Variants in ACAA2 observed in about 807,000 individuals in gnomAD.
The protein encoded by ACAA2 is 3-ketoacyl-CoA thiolase, mitochondrial.
ACAA2 carries 35 observed loss-of-function variants against 44.8 expected under a neutral mutation model. The observed-to-expected ratio is 0.78, with a 90% CI of 0.60 to 1.04. ACAA2 has a LOEUF of 1.04. Among genes scored for constraint, ACAA2 ranks in the 50% least tolerant of loss-of-function variants. The pLI is 0.00. For missense variants in ACAA2, 468 were observed against 482.6 expected, an observed-to-expected ratio of 0.97 and a Z score of 0.28; for synonymous variants, 142 against 166.5, an observed-to-expected ratio of 0.85 and a Z score of 1.13.
At chr18:49,794,829 T>TAAAC (rs1484425597) in intron 4 of ACAA2, among the ~76,000 whole-genome samples, 11 of 152,212 alleles carry the variant, frequency 7.2e-5, no homozygotes, top group African/African-American at 2.7e-4. Flanking sequence ...AGCTCTGTAA[T>TAAAC]AAACAGTATT....
intron 5 of ACAA2, among the ~76,000 whole-genome samples, chr18:49,793,522 A>G (rs1398915066): frequency 6.6e-6 from 1 of 152,242 alleles, no homozygotes. Context: ...CTATGAACAT[A>G]TAAGTAAAAA....
At position 49,783,805 on chromosome 18, in the gene ACAA2, C is replaced by T. The variant is rs763577157; in HGVS notation, c.*42G>A. ...GTCACTTGTTTTACTGTGGCCTGGC[C>T]AAGTAGAGTAAGGATGGGTCACAGT... On this transcript the variant is annotated 3_prime_UTR_variant, in exon 10 of 10. Coordinates refer to ENST00000285093, the MANE Select transcript of ACAA2 (RefSeq NM_006111.3). 3.8e-6 allele frequency: 6 copies of T among 1,562,934 alleles called. No homozygotes were observed. In the Admixed American group the frequency reaches 8.4e-5, roughly 22 times the overall value.
At chr18:49,797,265 C>CTTTTTTTTTTTTTTTTTTTT (rs11392686) in intron 3 of ACAA2, among the ~76,000 whole-genome samples, 1 of 143,798 alleles carries the variant, frequency 7.0e-6, no homozygotes. Context: ...TCATTATTAG[C>CTTTTTTTTTTTTTTTTTTTT]TTTTTTTTTT....
chr18:49,790,641 C>T (rs2143952597), intron 7 of ACAA2, among the ~76,000 whole-genome samples: 1 of 152,236 alleles, frequency 6.6e-6, no homozygotes, highest in Admixed American at 6.5e-5. Flanking sequence ...TAATTGGTTC[C>T]CTGTTCCCCC....
intron 2 of ACAA2, among the ~76,000 whole-genome samples, chr18:49,798,334 T>C (rs975326687): frequency 3.9e-5 from 6 of 152,104 alleles, no homozygotes; most frequent in Non-Finnish European, 7.4e-5. Flanking sequence ...TTAAAATGCA[T>C]ATGGGGGCGT....
At chr18:49,811,255 G>A (rs898545969) in intron 1 of ACAA2, 4 of 152,114 alleles carry the variant, frequency 2.6e-5, no homozygotes, top group Admixed American at 6.5e-5. Flanking sequence ...GAAAGAAACA[G>A]GAGCACTACC....
chr18:49,790,420 A>C (rs967030285), intron 7 of ACAA2, among the ~76,000 whole-genome samples: 9 of 152,206 alleles, frequency 5.9e-5, no homozygotes, highest in Admixed American at 4.6e-4. Context: ...CTTACACTGA[A>C]GGATCTCTGA....
At chr18:49,787,084 T>TATAAATAAAGCATGTTAA (rs1176537046) in intron 8 of ACAA2, among the ~76,000 whole-genome samples, 4 of 152,106 alleles carry the variant, frequency 2.6e-5, no homozygotes, top group African/African-American at 9.7e-5. Context: ...AATATTCAAA[T>TATAAATAAAGCATGTTAA]ATAAATAAAG....
rs958860309 is a variant in ACAA2 at position 49,791,497 on chromosome 18, C to T, written c.856G>A (p.Gly286Arg). Residue 286 changes from glycine (G) to arginine (R), a missense_variant, in exon 7 of 10, where the codon GGA (glycine) becomes AGA (arginine). Transcript: ENST00000285093. ...LARIVGYFVS[G>R]CDPSIMGIGP... Reference sequence around the variant, plus strand: ...ATACCCATGATAGAGGGATCACATCCAGATACAAAGTAGCCCACAATTCTT... The same window carrying T: ...ATACCCATGATAGAGGGATCACATCTAGATACAAAGTAGCCCACAATTCTT... 10 of 1,611,940 alleles carry T rather than the reference C, an allele frequency of 6.2e-6. No homozygotes were observed. The highest frequency in any genetic ancestry group is 7.6e-6 in the Non-Finnish European group (9 of 1,179,738).
intron 3 of ACAA2, among the ~76,000 whole-genome samples, 165 bp from the exon 4 acceptor site, chr18:49,796,046 A>G (rs2023461392): frequency 6.6e-6 from 1 of 152,208 alleles, no homozygotes; most frequent in African/African-American, 2.4e-5. Flanking sequence ...AGCAAATGCT[A>G]AAGTATCCAT....
rs987777516 is a variant in ACAA2 at position 49,804,677 on chromosome 18, A to T, written c.17-1824T>A. ...TGCATTTTATCTAATCACAAAGAAT[A>T]GAGGAATTATCTATACATCTACTAA... On this transcript the variant is annotated intron_variant, in intron 1 of 9. Transcript: ENST00000285093. 2.6e-5 allele frequency among the ~76,000 whole-genome samples: 4 copies of T among 152,260 alleles called. No homozygotes were observed. The East Asian group carries it at 5.8e-4, about 22-fold the overall frequency.
chr18:49,799,572 C>T (rs527877749), intron 2 of ACAA2, among the ~76,000 whole-genome samples: 74 of 152,274 alleles, frequency 4.9e-4, no homozygotes, highest in Non-Finnish European at 7.6e-4. Context: ...CTACAACCTC[C>T]ACCTCCCAGC....
chr18:49,809,310 G>A (rs1364670398), intron 1 of ACAA2, among the ~76,000 whole-genome samples: 1 of 152,178 alleles, frequency 6.6e-6, no homozygotes, highest in Non-Finnish European at 1.5e-5. Context: ...GACCTGAGGT[G>A]ACGTACATCC....
intron 7 of ACAA2, among the ~76,000 whole-genome samples, chr18:49,788,445 G>A (rs573125852): frequency 6.6e-5 from 10 of 152,210 alleles, no homozygotes; most frequent in Admixed American, 2.6e-4. Context: ...AACAAACCAC[G>A]TGCTTATTGA....
intron 9 of ACAA2, 40 bp downstream of exon 9, chr18:49,785,154 TAAA>T: frequency 6.3e-7 from 1 of 1,596,934 alleles, no homozygotes; most frequent in Middle Eastern, 1.7e-4. Flanking sequence ...TGCATTTCTA[TAAA>T]AAACAGCAAA....
chr18:49,786,617 T>C (rs1033127782), intron 8 of ACAA2: 3 of 152,210 alleles, frequency 2.0e-5, no homozygotes, highest in African/African-American at 4.8e-5. Context: ...TATTAGTTAT[T>C]TCCCAATGCC....
intron 2 of ACAA2, among the ~76,000 whole-genome samples, chr18:49,799,636 C>A (rs1318507136): frequency 3.3e-5 from 5 of 152,014 alleles, no homozygotes; most frequent in African/African-American, 9.7e-5. Flanking sequence ...CCGGCTGCCA[C>A]CCCGTCTGGG....
At chr18:49,791,121 CCATCT>C (rs1441825826) in intron 7 of ACAA2, among the ~76,000 whole-genome samples, 2 of 152,212 alleles carry the variant, frequency 1.3e-5, no homozygotes, top group East Asian at 3.8e-4. Context: ...AGGATTTCTC[CCATCT>C]CATAATTTCT....
Position 49,797,585 on chromosome 18 carries a change from C to G in ACAA2, c.193G>C (p.Asp65His), listed in dbSNP as rs1355898514. The G allele has an allele frequency of 1.2e-6, 2 of 1,606,292 alleles. No homozygotes were observed. Among genetic ancestry groups the G allele is most frequent in the Non-Finnish European group, 1.7e-6 (2 of 1,177,546 alleles). The change falls in exon 3 of 10, where the codon GAT (aspartate) becomes CAT (histidine). Residue 65 changes from aspartate (D) to histidine (H), a missense_variant. Coordinates refer to ENST00000285093, the MANE Select transcript of ACAA2 (RefSeq NM_006111.3). ...ACATGCCTTGCCAAATATATAGCAT[C>G]TGAAGAACTCTAGAAGAGAGAAGGA... ...IMGNVLQSSS[D>H]AIYLARHVGL...
Sources: gnomAD v4.1 joint callset for allele counts (sites outside exome capture counted in the v4.1 genomes callset) on GRCh38, gnomAD v4.1.1 for gene constraint, MANE v1.5 for transcripts, NCBI Gene and HGNC (gene_info 2026-07-23, HGNC 2026-07-21) for gene names.